GULP1: variants seen among roughly 807,000 people sequenced by gnomAD.
The protein encoded by GULP1 is PTB domain-containing engulfment adapter protein 1.
GULP1 carries 19 observed loss-of-function variants against 40.9 expected under a neutral mutation model. The ratio of observed to expected loss-of-function variants is 0.46; its 90% confidence interval spans 0.32 to 0.68. The LOEUF is 0.68. Ranked by LOEUF, GULP1 falls within the 30% of genes least tolerant of loss-of-function variation. GULP1 has a pLI of 0.03. For missense variants in GULP1, 312 were observed against 362.2 expected (o/e 0.86, Z 1.12); for synonymous variants, 119 against 117.6 (o/e 1.01, Z -0.08).
intron 2 of GULP1, among the ~76,000 whole-genome samples, chr2:188,407,276 A>C (rs1317076065): frequency 5.3e-5 from 8 of 152,238 alleles, no homozygotes. Context: ...AAGCTTAAAG[A>C]AAAGGATGCT....
intron 2 of GULP1, among the ~76,000 whole-genome samples, chr2:188,404,438 C>G (rs1393978789): frequency 6.6e-6 from 1 of 152,192 alleles, no homozygotes; most frequent in Admixed American, 6.5e-5. Context: ...GACAGATACT[C>G]TCTACTTGGG....
chr2:188,358,794 C>T (rs2045704479), intron 1 of GULP1, among the ~76,000 whole-genome samples: 1 of 152,068 alleles, frequency 6.6e-6, no homozygotes, highest in Non-Finnish European at 1.5e-5. Context: ...GCTTCACATA[C>T]AATTCAGTTT....
At chr2:188,512,129 T>C (rs1371041305) in intron 4 of GULP1, among the ~76,000 whole-genome samples, 22 of 152,190 alleles carry the variant, frequency 1.4e-4, no homozygotes. Flanking sequence ...GCTTATCTAC[T>C]AGGTACAGTT....
intron 1 of GULP1, among the ~76,000 whole-genome samples, chr2:188,359,053 A>T (rs1339204141): frequency 6.6e-6 from 1 of 152,160 alleles, no homozygotes; most frequent in Non-Finnish European, 1.5e-5. Context: ...AGGCAATTAT[A>T]ATGAAGTATT....
chr2:188,360,959 T>A (rs2045990228), intron 1 of GULP1, among the ~76,000 whole-genome samples: 1 of 152,112 alleles, frequency 6.6e-6, no homozygotes, highest in South Asian at 2.1e-4. Flanking sequence ...GTTTCTCTTT[T>A]ATGGTGGCGT....
At chr2:188,525,583 T>C (rs1685960930) in intron 5 of GULP1, among the ~76,000 whole-genome samples, 1 of 152,090 alleles carries the variant, frequency 6.6e-6, no homozygotes, top group Non-Finnish European at 1.5e-5. Flanking sequence ...TCATACACAA[T>C]TTGTGATGTT....
chr2:188,593,875 TTTA>T (rs1245729578), intron 11 of GULP1, 62 bp from the exon 12 acceptor site: 1 of 897,186 alleles, frequency 1.1e-6, no homozygotes, highest in African/African-American at 1.7e-5. Context: ...CATAGTCTTT[TTTA>T]TTCACTGATT....
intron 1 of GULP1, among the ~76,000 whole-genome samples, chr2:188,377,041 A>C (rs2048379876): frequency 6.6e-6 from 1 of 152,032 alleles, no homozygotes; most frequent in Non-Finnish European, 1.5e-5. Flanking sequence ...GCGTGGTGGC[A>C]CATGCCTGTA....
intron 1 of GULP1, among the ~76,000 whole-genome samples, chr2:188,353,347 G>A (rs1559141823): frequency 6.6e-6 from 1 of 151,822 alleles, no homozygotes; most frequent in Non-Finnish European, 1.5e-5. Flanking sequence ...TTAACCTTAC[G>A]ACTGAACAAA....
chr2:188,344,586 C>G (rs754232518), intron 1 of GULP1, among the ~76,000 whole-genome samples: 2 of 152,242 alleles, frequency 1.3e-5, no homozygotes, highest in Middle Eastern at 3.4e-3. Flanking sequence ...TTATTAATTC[C>G]TGGCATTTGT....
At chr2:188,581,929 C>T (rs1270741694) in intron 9 of GULP1, among the ~76,000 whole-genome samples, 1 of 152,086 alleles carries the variant, frequency 6.6e-6, no homozygotes, top group African/African-American at 2.4e-5. Context: ...TTCTACACAA[C>T]CATAACTTTA....
At chr2:188,323,199 G>C (rs1201736812) in intron 1 of GULP1, among the ~76,000 whole-genome samples, 3 of 151,920 alleles carry the variant, frequency 2.0e-5, no homozygotes, top group Non-Finnish European at 4.4e-5. Context: ...ATCCTTTGCA[G>C]ACAGAGTGAA....
intron 1 of GULP1, among the ~76,000 whole-genome samples, chr2:188,382,954 T>C (rs1260533102): frequency 2.6e-5 from 4 of 152,170 alleles, no homozygotes; most frequent in Admixed American, 2.0e-4. Context: ...GTCAAAAATA[T>C]AGATATGGCA....
chr2:188,511,395 T>A (rs2064525324), intron 4 of GULP1, among the ~76,000 whole-genome samples: 1 of 152,204 alleles, frequency 6.6e-6, no homozygotes, highest in Non-Finnish European at 1.5e-5. Context: ...TTGTGAAGCT[T>A]GCCTGGCTCC....
intron 2 of GULP1, among the ~76,000 whole-genome samples, chr2:188,476,369 C>T (rs1428112083): frequency 6.6e-6 from 1 of 152,030 alleles, no homozygotes; most frequent in African/African-American, 2.4e-5. Flanking sequence ...CAGCTGAGAC[C>T]TCTAGGCAAT....
chr2:188,303,459 A>C (rs770422000), intron 1 of GULP1, among the ~76,000 whole-genome samples: 2 of 152,174 alleles, frequency 1.3e-5, no homozygotes, highest in Non-Finnish European at 2.9e-5. Context: ...GGGATGTGAG[A>C]AATAAAAAGC....
chr2:188,547,823 G>T (rs1692371067), intron 7 of GULP1, among the ~76,000 whole-genome samples: 1 of 152,044 alleles, frequency 6.6e-6, no homozygotes, highest in Non-Finnish European at 1.5e-5. Flanking sequence ...TGCACATTTT[G>T]CTCAACATTC....
At chr2:188,585,427 C>T (rs1474562336) in intron 10 of GULP1, among the ~76,000 whole-genome samples, 2 of 152,206 alleles carry the variant, frequency 1.3e-5, no homozygotes, top group African/African-American at 2.4e-5. Flanking sequence ...AGTAGAGGTT[C>T]TCCATGAGGG....
At chr2:188,461,318 C>CTTT (rs549518354) in intron 2 of GULP1, among the ~76,000 whole-genome samples, 12 of 122,958 alleles carry the variant, frequency 9.8e-5, no homozygotes, top group Admixed American at 1.6e-4. Flanking sequence ...TACTGGTAAG[C>CTTT]TTTTTTTTTT....
Sources: allele counts gnomAD v4.1 joint callset (sites outside exome capture counted in the v4.1 genomes callset), GRCh38; gene constraint gnomAD v4.1.1; transcripts MANE v1.5; gene names NCBI Gene and HGNC (gene_info 2026-07-23, HGNC 2026-07-21).